OXSR1: variants seen among roughly 807,000 people sequenced by gnomAD.
OXSR1 encodes oxidative stress responsive kinase 1.
OXSR1 carries 24 observed loss-of-function variants against 79.8 expected under a neutral mutation model. The ratio of observed to expected loss-of-function variants is 0.30; its 90% CI spans 0.22 to 0.42. The LOEUF is 0.42. OXSR1 is among the 10% of genes least tolerant of loss of function. The probability of loss-of-function intolerance (pLI) is 1.00; values close to 1 mark genes in which losing one functional copy is unlikely to be tolerated. For synonymous variants in OXSR1, 226 were observed against 209.2 expected (o/e 1.08, Z -0.69); for missense variants, 430 against 618.4 (o/e 0.70, Z 3.23).
At chr3:38,204,324 C>T (rs890224522) in intron 4 of OXSR1, among the ~76,000 whole-genome samples, 1 of 152,130 alleles carries the variant, frequency 6.6e-6, no homozygotes, top group African/African-American at 2.4e-5. Flanking sequence ...GCTTGGTGCT[C>T]TACCCAACCG....
chr3:38,243,928 G>C (rs1703085594), intron 12 of OXSR1, among the ~76,000 whole-genome samples: 1 of 152,172 alleles, frequency 6.6e-6, no homozygotes, highest in African/African-American at 2.4e-5. Context: ...GCAGAAGTGA[G>C]AACCACTCAT....
At chr3:38,224,064 A>T (rs370777595) in intron 7 of OXSR1, 151 bp downstream of exon 7, 1 of 534,206 alleles carries the variant, frequency 1.9e-6, no homozygotes, top group African/African-American at 2.0e-5. Context: ...ATATAGTTCA[A>T]TGGTATTAAA....
chr3:38,173,210 T>C (rs1411679846), intron 1 of OXSR1, among the ~76,000 whole-genome samples: 1 of 152,236 alleles, frequency 6.6e-6, no homozygotes, highest in African/African-American at 2.4e-5. Flanking sequence ...GTCAGGATTA[T>C]CTTACTAAAG....
intron 8 of OXSR1, among the ~76,000 whole-genome samples, chr3:38,226,254 A>G (rs764746667): frequency 6.6e-6 from 1 of 152,044 alleles, no homozygotes; most frequent in Non-Finnish European, 1.5e-5. Context: ...TGAACTAGTT[A>G]GCAGACACAA....
At chr3:38,197,772 G>A (rs1316987100) in intron 3 of OXSR1, among the ~76,000 whole-genome samples, 1 of 152,176 alleles carries the variant, frequency 6.6e-6, no homozygotes, top group Non-Finnish European at 1.5e-5. Context: ...TTGTTAAAGT[G>A]TGTGAAGTAA....
At chr3:38,224,289 A>G (rs1702645272) in intron 7 of OXSR1, among the ~76,000 whole-genome samples, 1 of 152,190 alleles carries the variant, frequency 6.6e-6, no homozygotes, top group South Asian at 2.1e-4. Context: ...AATGTCCCCA[A>G]GTTTCATCCA....
intron 11 of OXSR1, among the ~76,000 whole-genome samples, chr3:38,237,717 G>T (rs955795827): frequency 1.3e-5 from 2 of 152,122 alleles, no homozygotes; most frequent in African/African-American, 4.8e-5. Context: ...AGCTAAGTTT[G>T]TAAAGTCCTT....
intron 12 of OXSR1, among the ~76,000 whole-genome samples, chr3:38,244,679 A>ACCACATT (rs1202676411): frequency 4.8e-5 from 1 of 20,988 alleles, no homozygotes; most frequent in African/African-American, 1.3e-4. Context: ...GTGCGCATGT[A>ACCACATT]CCACATTTTA....
intron 11 of OXSR1, among the ~76,000 whole-genome samples, chr3:38,241,690 T>G (rs1703038469): frequency 6.6e-6 from 1 of 151,960 alleles, no homozygotes; most frequent in Non-Finnish European, 1.5e-5. Flanking sequence ...GGGTAAAGAG[T>G]ATACTTACGT....
intron 4 of OXSR1, among the ~76,000 whole-genome samples, chr3:38,215,433 T>C (rs1221350829): frequency 6.6e-6 from 1 of 152,062 alleles, no homozygotes; most frequent in Non-Finnish European, 1.5e-5. Flanking sequence ...CAAAAACTTG[T>C]TTTTGCTAAA....
At chr3:38,234,143 A>T (rs1362613475) in intron 10 of OXSR1, among the ~76,000 whole-genome samples, 1 of 152,182 alleles carries the variant, frequency 6.6e-6, no homozygotes, top group East Asian at 1.9e-4. Flanking sequence ...AAGTTATAAT[A>T]CTGTTGGAAG....
At position 38,165,898 on chromosome 3, in the gene OXSR1, C is replaced by G; in HGVS notation, c.22C>G (p.Leu8Val). 6.2e-7 allele frequency: 1 copy of G among 1,611,738 alleles called. No homozygotes were observed. Among genetic ancestry groups the G allele is most frequent in the Non-Finnish European group, 8.5e-7 (1 of 1,179,600 alleles). ...CGTCATGTCCGAGGACTCGAGCGCC[C>G]TGCCCTGGTCCATCAACAGGGACGA... MSEDSSA[L>V]PWSINRDDYE... is the part of the protein sequence containing the mutation. The change falls in exon 1 of 18, where the codon CTG (leucine) becomes GTG (valine). Residue 8 changes from leucine (L) to valine (V), a missense_variant. Transcript: ENST00000311806.
In OXSR1 at chr3:38,236,114, A is replaced by G. The variant is rs34042513; in HGVS notation, c.952-725A>G. The stretch of plus-strand genomic sequence containing the variant: ...ACAGGGGAAATAGAAGTGGTAATGT[A>G]TGATAAGGTTCAGCTCTGAATATGA... On this transcript the variant is annotated intron_variant, in intron 10 of 17. Transcript: ENST00000311806. Among the ~76,000 whole-genome samples, 385 of 152,346 alleles carry G rather than the reference A, an allele frequency of 2.5e-3. 4 individuals are homozygous for G. The highest frequency in any genetic ancestry group is 7.9e-3 in the African/African-American group (328 of 41,582).
At chr3:38,184,090 A>G (rs1701835609) in intron 2 of OXSR1, among the ~76,000 whole-genome samples, 1 of 152,170 alleles carries the variant, frequency 6.6e-6, no homozygotes, top group South Asian at 2.1e-4. Context: ...AAGGTCGGGT[A>G]TTAGAACTGG....
In OXSR1 at chr3:38,224,701, A is replaced by T. The variant is rs1432869913; in HGVS notation, c.833A>T (p.Lys278Ile). The part of the protein sequence containing the change: ...ISLCLQKDPE[K>I]RPTAAELLRH... ...TTGTGCCTTCAAAAAGATCCAGAAA[A>T]AAGGTAAAATATGAGAAAAAGTCTA... The change falls in exon 8 of 18, where the codon AAA (lysine) becomes ATA (isoleucine). Residue 278 changes from lysine to isoleucine, a missense_variant. Transcript: ENST00000311806. 1.3e-6 allele frequency: 2 copies of T among 1,555,466 alleles called. No individual in the cohort carries two copies. Among genetic ancestry groups the T allele is most frequent in the Admixed American group, 4.0e-5 (2 of 50,020 alleles).
intron 12 of OXSR1, among the ~76,000 whole-genome samples, chr3:38,244,666 T>TGTATGTGTGTGTGTGTGC (rs748851263): frequency 6.9e-6 from 1 of 143,956 alleles, no homozygotes; most frequent in Admixed American, 6.9e-5. Flanking sequence ...TGTGTGTGTG[T>TGTATGTGTGTGTGTGTGC]GCGTGCGCAT....
intron 11 of OXSR1, among the ~76,000 whole-genome samples, chr3:38,239,908 CT>C (rs1004851620): frequency 6.6e-6 from 1 of 152,190 alleles, no homozygotes; most frequent in Non-Finnish European, 1.5e-5. Flanking sequence ...AGGCCCACCA[CT>C]TTTTTTCCCT....
intron 7 of OXSR1, 116 bp from the exon 8 acceptor site, chr3:38,224,455 A>G: frequency 1.3e-6 from 1 of 742,568 alleles, no homozygotes; most frequent in Admixed American, 3.1e-5. Flanking sequence ...ATGAACTTAC[A>G]GAAAATAAAA....
At chr3:38,208,564 G>C (rs1702315080) in intron 4 of OXSR1, among the ~76,000 whole-genome samples, 1 of 152,158 alleles carries the variant, frequency 6.6e-6, no homozygotes, top group Non-Finnish European at 1.5e-5. Context: ...GAATGGTTCT[G>C]TAGATGACTG....
Sources: gnomAD v4.1 joint callset for allele counts (sites outside exome capture counted in the v4.1 genomes callset) on GRCh38, gnomAD v4.1.1 for gene constraint, MANE v1.5 for transcripts, NCBI Gene and HGNC (gene_info 2026-07-23, HGNC 2026-07-21) for gene names.